Variants in CNR2 observed in about 807,000 individuals in gnomAD.
CNR2 encodes cannabinoid receptor 2.
For synonymous variants in CNR2, 172 were observed against 182.2 expected (o/e 0.94, Z 0.45); for missense variants, 379 against 439.9 (o/e 0.86, Z 1.24).
chr1:23,876,568 G>T lies in CNR2; in HGVS notation c.-45-906C>A, dbSNP rs141404379. Among the ~76,000 whole-genome samples, 1,341 of 151,856 alleles carry T rather than the reference G, an allele frequency of 8.8e-3. 15 individuals carry two copies. The highest frequency in any genetic ancestry group is 0.027 in the African/African-American group (1,124 of 41,420). On this transcript the variant is annotated intron_variant, in intron 1 of 1. Transcript: ENST00000374472. ...ATTTGAATGTTGGCTGGGCACGGTG[G>T]TTCACGCCTGTAATCCCAACACTTG...
At chr1:23,899,704 C>G (rs1181488654) in intron 1 of CNR2, among the ~76,000 whole-genome samples, 1 of 147,476 alleles carries the variant, frequency 6.8e-6, no homozygotes, top group African/African-American at 2.5e-5. Context: ...ATACCAGCTA[C>G]TCGAGAGGGG....
At chr1:23,912,820 C>T (rs1189773087) in intron 1 of CNR2, among the ~76,000 whole-genome samples, 3 of 152,130 alleles carry the variant, frequency 2.0e-5, no homozygotes, top group Non-Finnish European at 4.4e-5. Flanking sequence ...ATCCCCTGCC[C>T]CAGACAGGCC....
intron 1 of CNR2, chr1:23,907,869 A>G (rs1640521564): frequency 6.6e-6 from 1 of 151,984 alleles, no homozygotes; most frequent in Admixed American, 6.6e-5. Context: ...AAATGATATC[A>G]GATTAAGAGC....
At chr1:23,901,300 C>T (rs1159932065) in intron 1 of CNR2, among the ~76,000 whole-genome samples, 1 of 152,148 alleles carries the variant, frequency 6.6e-6, no homozygotes, top group East Asian at 1.9e-4. Context: ...ACTCCAATCC[C>T]CCAGCTCTGG....
At chr1:23,876,258 G>A (rs1306452966) in intron 1 of CNR2, among the ~76,000 whole-genome samples, 1 of 151,522 alleles carries the variant, frequency 6.6e-6, no homozygotes, top group Admixed American at 6.6e-5. Flanking sequence ...CCAGGCTGGA[G>A]TGCAGTGGTG....
intron 1 of CNR2, among the ~76,000 whole-genome samples, chr1:23,911,776 G>C (rs923865816): frequency 6.6e-6 from 1 of 152,092 alleles, no homozygotes; most frequent in Admixed American, 6.6e-5. Flanking sequence ...CCGGCCAAAG[G>C]GTAAAGGATA....
At chr1:23,897,972 A>G (rs554237046) in intron 1 of CNR2, among the ~76,000 whole-genome samples, 1 of 152,094 alleles carries the variant, frequency 6.6e-6, no homozygotes, top group East Asian at 1.9e-4. Context: ...TTTTACAAGC[A>G]CTGTGTCCTT....
intron 1 of CNR2, among the ~76,000 whole-genome samples, chr1:23,879,608 G>C (rs186559214): frequency 8.5e-5 from 13 of 152,194 alleles, no homozygotes; most frequent in African/African-American, 3.1e-4. Flanking sequence ...ATGAGACCTT[G>C]TTTCAAACAA....
At chr1:23,882,213 G>A (rs775424908) in intron 1 of CNR2, among the ~76,000 whole-genome samples, 12 of 152,096 alleles carry the variant, frequency 7.9e-5, no homozygotes, top group Non-Finnish European at 1.5e-4. Context: ...ATGAGCTACC[G>A]TGCCTGGCCT....
intron 1 of CNR2, chr1:23,901,586 C>G: frequency 6.2e-7 from 1 of 1,612,766 alleles, no homozygotes; most frequent in Non-Finnish European, 8.5e-7. Flanking sequence ...TTGCGTCATC[C>G]CCTCCTGCCC....
chr1:23,891,130 T>A (rs2501396), intron 1 of CNR2, among the ~76,000 whole-genome samples: 128,361 of 151,720 alleles, frequency 0.85, 54,404 homozygotes, highest in Admixed American at 0.86. Context: ...TCTGCCCACC[T>A]CAGCCTCCCA....
intron 1 of CNR2, among the ~76,000 whole-genome samples, chr1:23,880,947 A>T (rs1231549651): frequency 6.6e-6 from 1 of 150,718 alleles, no homozygotes; most frequent in Non-Finnish European, 1.5e-5. Flanking sequence ...CTGTTGTATA[A>T]AATTGTATTC....
chr1:23,892,374 AAGG>A (rs1485827864), intron 1 of CNR2, among the ~76,000 whole-genome samples: 14 of 152,224 alleles, frequency 9.2e-5, no homozygotes, highest in Non-Finnish European at 1.6e-4. Context: ...AGGGCTGGCA[AAGG>A]AGTTGTTTCC....
intron 1 of CNR2, among the ~76,000 whole-genome samples, chr1:23,910,531 G>T (rs1389519852): frequency 6.6e-6 from 1 of 151,468 alleles, no homozygotes; most frequent in Non-Finnish European, 1.5e-5. Context: ...GTGCATGCCT[G>T]TCATCCCAGC....
chr1:23,902,693 G>T, intron 1 of CNR2: 3 of 1,593,004 alleles, frequency 1.9e-6, no homozygotes, highest in South Asian at 2.2e-5. Flanking sequence ...CGTCGGCCAC[G>T]AGCTCGTTGT....
At chr1:23,899,919 AAGAGAAAGAAAG>A (rs1557532594) in intron 1 of CNR2, among the ~76,000 whole-genome samples, 453 of 2,880 alleles carry the variant, frequency 0.16, 8 homozygotes, top group Non-Finnish European at 0.33. Context: ...GAAAGAAAGA[AAGAGAAAGAAAG>A]AGAAAGAAAG....
intron 1 of CNR2, among the ~76,000 whole-genome samples, chr1:23,893,652 A>C (rs908197228): frequency 6.6e-6 from 1 of 152,108 alleles, no homozygotes; most frequent in Admixed American, 6.6e-5. Flanking sequence ...GAAGCCACCT[A>C]CTCTCTCTTG....
At chr1:23,890,269 A>C (rs1437399166) in intron 1 of CNR2, among the ~76,000 whole-genome samples, 2 of 150,320 alleles carry the variant, frequency 1.3e-5, no homozygotes, top group Admixed American at 6.7e-5. Flanking sequence ...AAAAAAAAAA[A>C]AAAAAGAAAA....
chr1:23,906,587 C>T (rs1399965483), intron 1 of CNR2, among the ~76,000 whole-genome samples: 5 of 139,140 alleles, frequency 3.6e-5, no homozygotes, highest in African/African-American at 1.3e-4. Context: ...ACGTTGCCCA[C>T]GTTGGTCTTG....
Sources: allele counts gnomAD v4.1 joint callset (sites outside exome capture counted in the v4.1 genomes callset), GRCh38; gene constraint gnomAD v4.1.1; transcripts MANE v1.5; gene names NCBI Gene and HGNC (gene_info 2026-07-23, HGNC 2026-07-21).